The following PCDHGA3 variants were observed in gnomAD, a reference collection of about 807,000 sequenced individuals.
The protein encoded by PCDHGA3 is protocadherin gamma subfamily A, 3, also known as protocadherin gamma-A3.
In PCDHGA3, 40 loss-of-function variants were observed where a neutral mutation model predicts 58.5. The observed-to-expected ratio is 0.68, with a 90% CI of 0.53 to 0.89. The LOEUF (loss-of-function observed/expected upper bound fraction) is 0.89. PCDHGA3 is among the 40% of genes least tolerant of loss of function. PCDHGA3 has a pLI of 0.00. For missense variants in PCDHGA3, 1,223 were observed against 1,195.9 expected, an observed-to-expected ratio of 1.02 and a Z score of -0.33; for synonymous variants, 530 against 525.7, an observed-to-expected ratio of 1.01 and a Z score of -0.11.
chr5:141,351,234 C>T (rs373708937), intron 1 of PCDHGA3: 136 of 1,613,888 alleles, frequency 8.4e-5, no homozygotes, highest in South Asian at 1.6e-4. Flanking sequence ...GTACACACAG[C>T]TCACTGTAAT....
At chr5:141,419,139 G>C in intron 1 of PCDHGA3, 1 of 1,613,916 alleles carries the variant, frequency 6.2e-7, no homozygotes, top group South Asian at 1.1e-5. Flanking sequence ...GCCACAGACA[G>C]GGGCAAGCCT....
In PCDHGA3 at chr5:141,485,423, C is replaced by A; in HGVS notation, c.2425-9384C>A. On this transcript the variant is annotated intron_variant, in intron 1 of 3. Transcript: ENST00000253812. This position sits in a 1 kb window ranked among gnomAD's most constrained non-coding sequence, Gnocchi z 5.7. Reference sequence around the variant, plus strand: ...CCGTGTGGATTTGGACAGCGGAGCCCTGCTCATCAAGAACCCAATCGACCG... The same window carrying A: ...CCGTGTGGATTTGGACAGCGGAGCCATGCTCATCAAGAACCCAATCGACCG... 1 of 1,614,204 alleles carries A rather than the reference C, an allele frequency of 6.2e-7. No homozygotes were observed. The highest frequency in any genetic ancestry group is 8.5e-7 in the Non-Finnish European group (1 of 1,180,036).
chr5:141,386,789 A>G lies in PCDHGA3; in HGVS notation c.2424+40332A>G, dbSNP rs144966256. Among the ~76,000 whole-genome samples the G allele has an allele frequency of 8.8e-3, 1,344 of 152,342 alleles. 18 individuals carry two copies. Among genetic ancestry groups the G allele is most frequent in the African/African-American group, 0.031 (1,269 of 41,584 alleles). On this transcript the variant is annotated intron_variant, in intron 1 of 3. Coordinates refer to ENST00000253812, the MANE Select transcript of PCDHGA3 (RefSeq NM_018916.4). ...GTATTTTGTAAAAGAAAATCTCCTG[A>G]CCAAAATTTATTAGATGCATAAAAT...
At chr5:141,499,007 AG>A (rs2099788320) in intron 2 of PCDHGA3, among the ~76,000 whole-genome samples, 1 of 151,128 alleles carries the variant, frequency 6.6e-6, no homozygotes, top group Non-Finnish European at 1.5e-5. Flanking sequence ...GAAGGAAGGA[AG>A]GAAGGAAGGA....
rs752744809 is a variant in PCDHGA3, at chr5:141,393,680, T to C, written c.2424+47223T>C. On this transcript the variant is annotated intron_variant, in intron 1 of 3. Coordinates refer to ENST00000253812, the MANE Select transcript of PCDHGA3 (RefSeq NM_018916.4). The stretch of plus-strand genomic sequence containing the variant: ...TCCGGAAAATTAATGAAAAACAAAC[T>C]CCGTTATTCCAGCTTAATGAAAATA... 8 of 1,613,764 alleles carry C rather than the reference T, an allele frequency of 5.0e-6. No individual in the cohort carries two copies. The East Asian group carries it at 1.1e-4, about 22-fold the overall frequency.
intron 3 of PCDHGA3, among the ~76,000 whole-genome samples, chr5:141,507,518 A>T (rs1323767789): frequency 6.6e-6 from 1 of 152,132 alleles, no homozygotes; most frequent in African/African-American, 2.4e-5. Flanking sequence ...TGGGGCTATG[A>T]TTCCAGAGAG....
rs768383446 is a variant in PCDHGA3 at position 141,344,074 on chromosome 5, C to A, written c.41C>A (p.Ala14Asp). 6.2e-7 allele frequency: 1 copy of A among 1,608,972 alleles called. No homozygotes were observed. The highest frequency in any genetic ancestry group is 1.1e-5 in the South Asian group (1 of 90,612). The change falls in exon 1 of 4, where the codon GCC becomes GAC. Residue 14 changes from alanine (A) to aspartate (D), a missense_variant. Physicochemically the swap from Ala to Asp is moderately radical, Grantham distance 126 (BLOSUM62 -2). Around this residue, in one of 3 missense-constraint regions of PCDHGA3, gnomAD observed 791 missense variants for 708.5 expected, o/e 1.12. Coordinates refer to ENST00000253812, the MANE Select transcript of PCDHGA3 (RefSeq NM_018916.4). Reference protein sequence around the residue: ...CLSFRNGRGLALLCALLGTLC... With the variant: ...CLSFRNGRGLDLLCALLGTLC... ...AGTTTCCGAAATGGCAGAGGACTGG[C>A]CCTGCTGTGCGCGCTCCTGGGGACG...
intron 1 of PCDHGA3, chr5:141,410,053 C>T: frequency 6.2e-7 from 1 of 1,613,160 alleles, no homozygotes; most frequent in African/African-American, 1.3e-5. Context: ...CCGGACTCTT[C>T]AGCCTGGGGC....
At chr5:141,423,067 G>C (rs757110751) in intron 1 of PCDHGA3, 36 of 1,614,024 alleles carry the variant, frequency 2.2e-5, no homozygotes, top group Non-Finnish European at 2.9e-5. Context: ...TAAGGCCAGC[G>C]AGCCGGGACT....
intron 1 of PCDHGA3, among the ~76,000 whole-genome samples, chr5:141,459,101 C>A (rs1021289352): frequency 6.6e-6 from 1 of 152,192 alleles, no homozygotes; most frequent in Non-Finnish European, 1.5e-5. Context: ...CAGTGCAATG[C>A]ATTTTGACAA....
At chr5:141,411,631 C>G (rs570915798) in intron 1 of PCDHGA3, 1 of 151,812 alleles carries the variant, frequency 6.6e-6, no homozygotes, top group South Asian at 2.1e-4. Context: ...TGCTGTAATC[C>G]CAGCACTTTG....
chr5:141,426,970 A>G (rs772659046), intron 1 of PCDHGA3: 1 of 456,742 alleles, frequency 2.2e-6, no homozygotes. Context: ...ATTCAAATTG[A>G]GGTCACTGAT....
chr5:141,389,871 G>C (rs199638280), intron 1 of PCDHGA3: 297 of 1,614,056 alleles, frequency 1.8e-4, no homozygotes, highest in Non-Finnish European at 2.3e-4. Context: ...CCTGGTCTTC[G>C]CCGACAGCTT....
chr5:141,366,207 T>G, intron 1 of PCDHGA3: 1 of 1,613,790 alleles, frequency 6.2e-7, no homozygotes, highest in Non-Finnish European at 8.5e-7. Context: ...ACGGGCGAGG[T>G]GCGCACAGCG....
At chr5:141,357,190 G>C (rs1760504404) in intron 1 of PCDHGA3, 1 of 1,613,670 alleles carries the variant, frequency 6.2e-7, no homozygotes, top group Admixed American at 1.7e-5. Context: ...CACTGTGGCT[G>C]TGGCCGACAG....
Position 141,487,925 on chromosome 5 carries a change from C to T in PCDHGA3, c.2425-6882C>T. 4.8e-6 allele frequency: 3 copies of T among 629,734 alleles called. No homozygotes were observed. The highest frequency in any genetic ancestry group is 8.3e-6 in the Non-Finnish European group (3 of 362,440). 39.0% of individuals were successfully genotyped at this position (629,734 alleles called of 1,614,324 possible). On this transcript the variant is annotated intron_variant, in intron 1 of 3. Coordinates refer to ENST00000253812, the MANE Select transcript of PCDHGA3 (RefSeq NM_018916.4). The surrounding 1 kb of genome is among the most constrained non-coding windows in gnomAD (Gnocchi z 5.0). ...TGTGGGAGCACAGGAGGCTACAGTGCACAGGGTACAGTGCACCAGGCAGTC... is the reference window on the plus strand; with the variant it reads ...TGTGGGAGCACAGGAGGCTACAGTGTACAGGGTACAGTGCACCAGGCAGTC...
At position 141,476,789 on chromosome 5, in the gene PCDHGA3, T is replaced by C; in HGVS notation, c.2425-18018T>C. ...GTTGGACGGAGGGACCCCAGCTCTC[T>C]CCGCCAGCCTGCCTATTCACATCAA... On this transcript the variant is annotated intron_variant, in intron 1 of 3. Transcript: ENST00000253812. The surrounding 1 kb of genome is among the most constrained non-coding windows in gnomAD (Gnocchi z 7.6). 1.2e-6 allele frequency: 2 copies of C among 1,613,374 alleles called. No individual in the cohort carries two copies. The highest frequency in any genetic ancestry group is 4.5e-5 in the East Asian group (2 of 44,864).
chr5:141,415,389 T>A lies in PCDHGA3; in HGVS notation c.2424+68932T>A, dbSNP rs1282535508. On this transcript the variant is annotated intron_variant, in intron 1 of 3. Transcript: ENST00000253812. ...AGGCTTCAGGAGGCGGCTTGACAGG[T>A]GTGTCCGGCTCGCACTTTGTGGGCG... 9.3e-6 allele frequency: 15 copies of A among 1,614,162 alleles called. No individual in the cohort carries two copies. The East Asian group carries it at 2.5e-4, about 26-fold the overall frequency.
chr5:141,480,380 A>C (rs1192159457), intron 1 of PCDHGA3, among the ~76,000 whole-genome samples: 3 of 151,970 alleles, frequency 2.0e-5, no homozygotes, highest in African/African-American at 4.8e-5. Context: ...GCACCACTAC[A>C]CTTCAACCAT....
Sources: gnomAD v4.1 joint callset for allele counts (sites outside exome capture counted in the v4.1 genomes callset) on GRCh38, gnomAD v4.1.1 for gene constraint, gnomAD v4.1.1 regional missense constraint, Gnocchi (gnomAD v3.1) non-coding constraint, MANE v1.5 for transcripts, NCBI Gene and HGNC (gene_info 2026-07-23, HGNC 2026-07-21) for gene names.